ZNF428: variants seen among roughly 807,000 people sequenced by gnomAD.
The protein encoded by ZNF428 is enzyme-like protein PIT13.
ZNF428 carries 5 observed loss-of-function variants against 15.6 expected under a neutral mutation model. That is an observed-to-expected ratio of 0.32 (90% confidence interval 0.17 to 0.67). ZNF428 has a LOEUF of 0.67. ZNF428 is among the 30% of genes least tolerant of loss of function. The pLI, the probability that ZNF428 is intolerant of heterozygous loss-of-function variation, is 0.73. For missense variants in ZNF428, 237 were observed against 256.0 expected, an observed-to-expected ratio of 0.93 and a Z score of 0.51; for synonymous variants, 97 against 102.2, an observed-to-expected ratio of 0.95 and a Z score of 0.31.
intron 1 of ZNF428, among the ~76,000 whole-genome samples, chr19:43,616,846 T>C: frequency 6.6e-6 from 1 of 151,292 alleles, no homozygotes; most frequent in Non-Finnish European, 1.5e-5. Context: ...GAGTCTCACT[T>C]TGTTGCCCAG....
Position 43,612,517 on chromosome 19 carries a change from C to G in ZNF428, c.76+1712G>C. The G allele has an allele frequency of 1.3e-6, 2 of 1,551,412 alleles. No individual in the cohort carries two copies. The highest frequency in any genetic ancestry group is 1.7e-6 in the Non-Finnish European group (2 of 1,146,962). On this transcript the variant is annotated intron_variant, in intron 2 of 2. Coordinates refer to ENST00000300811, the MANE Select transcript of ZNF428 (RefSeq NM_182498.4). The surrounding 1 kb of genome is among the most constrained non-coding windows in gnomAD (Gnocchi z 4.2). ...CTGGCAGAAGGGGAAGCCGCAGCTC[C>G]AAGAGGTCACCCAGCAGGGCCAGCA...
intron 2 of ZNF428, chr19:43,613,475 T>C: frequency 6.5e-7 from 1 of 1,544,856 alleles, no homozygotes; most frequent in Non-Finnish European, 8.7e-7. Flanking sequence ...TCGCAGCCGA[T>C]CTAGAAGTCC....
chr19:43,607,664 C>T lies in ZNF428; in HGVS notation c.520G>A (p.Gly174Arg). ...AGCATGAAGTGCCCGTGCAGCTCCC[C>T]CAGGTTGTCGAAGGAATCCTCACAT... ...TECEDSFDNL[G>R]ELHGHFMLHA... is the part of the protein sequence containing the mutation. The change falls in exon 3 of 3, where the codon GGG becomes AGG. Residue 174 changes from glycine to arginine, a missense_variant. Transcript: ENST00000300811. This position sits in a 1 kb window ranked among gnomAD's most constrained non-coding sequence, Gnocchi z 5.1. 1 of 1,610,156 alleles carries T rather than the reference C, an allele frequency of 6.2e-7. No individual in the cohort carries two copies. The highest frequency in any genetic ancestry group is 8.5e-7 in the Non-Finnish European group (1 of 1,177,616).
intron 1 of ZNF428, among the ~76,000 whole-genome samples, chr19:43,616,330 T>C (rs757460532): frequency 5.9e-5 from 9 of 152,216 alleles, no homozygotes; most frequent in Non-Finnish European, 8.8e-5. Context: ...TCTGTATCAA[T>C]TGGCAAGATA....
intron 2 of ZNF428, among the ~76,000 whole-genome samples, chr19:43,611,721 GTC>G (rs1973299232): frequency 6.6e-6 from 1 of 152,194 alleles, no homozygotes; most frequent in Admixed American, 6.5e-5. Context: ...AGCGGTCAGT[GTC>G]TCTCTCGTAT....
At chr19:43,609,750 AAAAAG>A (rs369662177) in intron 2 of ZNF428, among the ~76,000 whole-genome samples, 58 of 152,212 alleles carry the variant, frequency 3.8e-4, no homozygotes, top group African/African-American at 1.3e-3. Context: ...CCCAAAAAAA[AAAAAG>A]AAAAGGGGAA....
At chr19:43,616,500 G>C (rs2146123346) in intron 1 of ZNF428, among the ~76,000 whole-genome samples, 1 of 152,358 alleles carries the variant, frequency 6.6e-6, no homozygotes, top group Admixed American at 6.5e-5. Context: ...TGAGGAAACA[G>C]ACACAGAGGT....
chr19:43,617,678 A>G (rs1973385041), intron 1 of ZNF428, among the ~76,000 whole-genome samples: 1 of 152,242 alleles, frequency 6.6e-6, no homozygotes, highest in Non-Finnish European at 1.5e-5. Context: ...AAATAAAAAC[A>G]GAAGACATCC....
intron 1 of ZNF428, among the ~76,000 whole-genome samples, chr19:43,618,244 A>G (rs1014222308): frequency 1.3e-5 from 2 of 151,328 alleles, no homozygotes; most frequent in African/African-American, 4.9e-5. Context: ...CGTGTTAGCC[A>G]GGATGATCTC....
Position 43,612,237 on chromosome 19 carries a change from C to A in ZNF428, c.76+1992G>T. 6.4e-7 allele frequency: 1 copy of A among 1,551,732 alleles called. No individual in the cohort carries two copies. Among genetic ancestry groups the A allele is most frequent in the Non-Finnish European group, 8.7e-7 (1 of 1,147,004 alleles). On this transcript the variant is annotated intron_variant, in intron 2 of 2. Coordinates refer to ENST00000300811, the MANE Select transcript of ZNF428 (RefSeq NM_182498.4). This position sits in a 1 kb window ranked among gnomAD's most constrained non-coding sequence, Gnocchi z 4.2. ...TCCTTGAAGTCCACCAAATCAGCAA[C>A]ACCCAACAGATCCTTAGTGCCCACC...
chr19:43,612,241 C>G lies in ZNF428; in HGVS notation c.76+1988G>C. ...TGAAGTCCACCAAATCAGCAACACCCAACAGATCCTTAGTGCCCACCAAAC... is the reference window on the plus strand; with the variant it reads ...TGAAGTCCACCAAATCAGCAACACCGAACAGATCCTTAGTGCCCACCAAAC... On this transcript the variant is annotated intron_variant, in intron 2 of 2. Transcript: ENST00000300811. This position sits in a 1 kb window ranked among gnomAD's most constrained non-coding sequence, Gnocchi z 4.2. 1 of 1,551,720 alleles carries G rather than the reference C, an allele frequency of 6.4e-7. No individual in the cohort carries two copies. Among genetic ancestry groups the G allele is most frequent in the Non-Finnish European group, 8.7e-7 (1 of 1,147,000 alleles).
chr19:43,610,484 G>A (rs370871769), intron 2 of ZNF428, among the ~76,000 whole-genome samples: 4 of 151,840 alleles, frequency 2.6e-5, no homozygotes, highest in Admixed American at 2.0e-4. Flanking sequence ...ATAGGTATGA[G>A]CCACCGCAGC....
In ZNF428 at chr19:43,612,141, C is replaced by T. The variant is rs1973304022; in HGVS notation, c.76+2088G>A. 2 of 1,551,602 alleles carry T rather than the reference C, an allele frequency of 1.3e-6. No individual in the cohort carries two copies. The highest frequency in any genetic ancestry group is 2.4e-5 in the South Asian group (2 of 84,068). ...CCCACCATGTCTTCACCTAAGAGAT[C>T]TTCAAAGCCCAGTATGTCTCTGGCA... On this transcript the variant is annotated intron_variant, in intron 2 of 2. Transcript: ENST00000300811. The surrounding 1 kb of genome is among the most constrained non-coding windows in gnomAD (Gnocchi z 4.2).
At chr19:43,617,495 G>A (rs1973383111) in intron 1 of ZNF428, among the ~76,000 whole-genome samples, 1 of 152,178 alleles carries the variant, frequency 6.6e-6, no homozygotes, top group Non-Finnish European at 1.5e-5. Flanking sequence ...TGGGGCAAAG[G>A]ACCATTGGCA....
chr19:43,607,885 G>T lies in ZNF428; in HGVS notation c.299C>A (p.Pro100His). 1.3e-6 allele frequency: 2 copies of T among 1,559,714 alleles called. No homozygotes were observed. The highest frequency in any genetic ancestry group is 1.7e-6 in the Non-Finnish European group (2 of 1,151,814). ...AQPCQLCGRS[P>H]LGEAPPGTPP... The stretch of plus-strand genomic sequence containing the variant: ...GGTTCCCGGTGGGGCCTCCCCAAGG[G>T]GTGAGCGGCCACAGAGCTGGCAAGG... Residue 100 changes from proline to histidine, a missense_variant, in exon 3 of 3, where the codon CCC becomes CAC. Transcript: ENST00000300811. This position sits in a 1 kb window ranked among gnomAD's most constrained non-coding sequence, Gnocchi z 5.1.
At chr19:43,616,216 G>A (rs1273547479) in intron 1 of ZNF428, among the ~76,000 whole-genome samples, 1 of 152,160 alleles carries the variant, frequency 6.6e-6, no homozygotes, top group East Asian at 1.9e-4. Flanking sequence ...GGCAGTTAGG[G>A]ACAGGGAGTA....
In ZNF428 at chr19:43,609,155, T is replaced by C. The variant is rs543307729; in HGVS notation, c.77-1048A>G. ...AACCCTTTGAGGGTGGTACTATTAC[T>C]ATCCCCAGTTGATGGATGTGGAAAC... On this transcript the variant is annotated intron_variant, in intron 2 of 2. Transcript: ENST00000300811. 2.0e-5 allele frequency among the ~76,000 whole-genome samples: 3 copies of C among 152,146 alleles called. No homozygotes were observed. In the South Asian group the frequency reaches 6.2e-4, roughly 32 times the overall value.
In ZNF428 at chr19:43,607,942, C is replaced by A; in HGVS notation, c.242G>T (p.Arg81Leu). ...LGGGRGGPSR[R>L]APRAAQPPAQ... ...CGGGGGCTGGGCTGCACGGGGGGCC[C>A]GGCGGGATGGGCCACCACGGCCCCC... Residue 81 changes from arginine (R) to leucine (L), a missense_variant, in exon 3 of 3, where the codon CGG becomes CTG. Coordinates refer to ENST00000300811, the MANE Select transcript of ZNF428 (RefSeq NM_182498.4). The surrounding 1 kb of genome is among the most constrained non-coding windows in gnomAD (Gnocchi z 5.1). 6.3e-7 allele frequency: 1 copy of A among 1,582,610 alleles called. No homozygotes were observed. The highest frequency in any genetic ancestry group is 1.1e-5 in the South Asian group (1 of 88,356).
chr19:43,612,528 C>T lies in ZNF428; in HGVS notation c.76+1701G>A. The T allele has an allele frequency of 6.4e-7, 1 of 1,551,414 alleles. No individual in the cohort carries two copies. Among genetic ancestry groups the T allele is most frequent in the South Asian group, 1.2e-5 (1 of 84,056 alleles). On this transcript the variant is annotated intron_variant, in intron 2 of 2. Coordinates refer to ENST00000300811, the MANE Select transcript of ZNF428 (RefSeq NM_182498.4). The surrounding 1 kb of genome is among the most constrained non-coding windows in gnomAD (Gnocchi z 4.2). ...GGAAGCCGCAGCTCCAAGAGGTCAC[C>T]CAGCAGGGCCAGCACTCCTGGCAGG...
Sources: gnomAD v4.1 joint callset for allele counts (sites outside exome capture counted in the v4.1 genomes callset) on GRCh38, gnomAD v4.1.1 for gene constraint, Gnocchi (gnomAD v3.1) non-coding constraint, MANE v1.5 for transcripts, NCBI Gene and HGNC (gene_info 2026-07-23, HGNC 2026-07-21) for gene names.